NOL10: variants seen among roughly 807,000 people sequenced by gnomAD.
NOL10 encodes nucleolar protein 10.
A neutral mutation model predicts 103.5 loss-of-function variants in NOL10; 58 were observed. The observed-to-expected ratio is 0.56, with a 90% CI of 0.45 to 0.70. The LOEUF is 0.70. Ranked by LOEUF, NOL10 falls within the 30% of genes least tolerant of loss-of-function variation. The pLI, the probability that NOL10 is intolerant of heterozygous loss-of-function variation, is 0.00. For missense variants in NOL10, 763 were observed against 807.3 expected (o/e 0.95, Z 0.67); for synonymous variants, 287 against 282.5 (o/e 1.02, Z -0.16).
At chr2:10,630,522 C>T (rs1437123590) in intron 13 of NOL10, among the ~76,000 whole-genome samples, 3 of 152,046 alleles carry the variant, frequency 2.0e-5, no homozygotes, top group Non-Finnish European at 2.9e-5. Context: ...ACTATCTTGG[C>T]TAACACAGTG....
At chr2:10,669,493 CACATACACACACACAT>C in intron 6 of NOL10, among the ~76,000 whole-genome samples, 1 of 110,876 alleles carries the variant, frequency 9.0e-6, no homozygotes, top group African/African-American at 3.5e-5. Flanking sequence ...CACACACACA[CACATACACACACACAT>C]ATATACACAC....
At chr2:10,649,311 A>ATTT (rs56031158) in intron 12 of NOL10, among the ~76,000 whole-genome samples, 1,099 of 98,984 alleles carry the variant, frequency 0.011, 138 homozygotes, top group African/African-American at 0.04. Context: ...GTATGTTTGA[A>ATTT]TTTTTTTTTT....
At chr2:10,600,128 C>A (rs1675896535) in intron 17 of NOL10, among the ~76,000 whole-genome samples, 1 of 152,226 alleles carries the variant, frequency 6.6e-6, no homozygotes, top group African/African-American at 2.4e-5. Context: ...CTCATTCCAG[C>A]ACATAACCAA....
chr2:10,587,118 TACATATATATACATATATAC>T lies in NOL10; in HGVS notation c.1844+1905_1844+1924del, dbSNP rs1675105174. 4.4e-5 allele frequency among the ~76,000 whole-genome samples: 2 copies of T among 45,874 alleles called. 1 individual carries two copies. Among genetic ancestry groups the T allele is most frequent in the Non-Finnish European group, 7.9e-5 (2 of 25,276 alleles). 30.1% of individuals were successfully genotyped at this position (45,874 alleles called of 152,430 possible). ...ATATACACATATATATACATATATATACATATATATACATATATACACATATATATACATATATACACATA... is the reference window on the plus strand; with the variant it reads ...ATATACACATATATATACATATATATACATATATATACATATATACACATA... On this transcript the variant is annotated intron_variant, in intron 19 of 20. Coordinates refer to ENST00000381685, the MANE Select transcript of NOL10 (RefSeq NM_024894.4).
intron 13 of NOL10, among the ~76,000 whole-genome samples, chr2:10,629,656 T>C (rs886098793): frequency 6.6e-6 from 1 of 152,216 alleles, no homozygotes; most frequent in African/African-American, 2.4e-5. Flanking sequence ...ATGTTATCAC[T>C]GCTTTCTGTT....
intron 13 of NOL10, among the ~76,000 whole-genome samples, chr2:10,628,457 C>T (rs1298166248): frequency 2.0e-5 from 3 of 152,164 alleles, no homozygotes; most frequent in Non-Finnish European, 4.4e-5. Context: ...CTGCTAGGCA[C>T]CATCTCACCC....
At chr2:10,676,939 C>CT (rs35181197) in intron 3 of NOL10, among the ~76,000 whole-genome samples, 2,252 of 144,484 alleles carry the variant, frequency 0.016, 63 homozygotes, top group African/African-American at 0.051. Context: ...AGGCCGGCCT[C>CT]TTTTTTTTTT....
chr2:10,673,244 G>C (rs1681072256), intron 5 of NOL10: 2 of 271,382 alleles, frequency 7.4e-6, no homozygotes, highest in Admixed American at 5.3e-5. Flanking sequence ...AAAGATGACT[G>C]CTGCCAATTC....
chr2:10,630,092 T>C (rs921619794), intron 13 of NOL10, among the ~76,000 whole-genome samples: 2 of 152,196 alleles, frequency 1.3e-5, no homozygotes, highest in African/African-American at 4.8e-5. Flanking sequence ...CCCAGCTTAA[T>C]GACTTAATTT....
In NOL10 at chr2:10,657,742, G is replaced by A. The variant is rs532715104; in HGVS notation, c.906C>T (p.Ser302=). ...AGTAATTTCAACCAAAAATACATAC[G>A]GAGTTCTTATTCCACATCTTGACAA... ...SRIVKMWNKN[S]GKIFTSLEPE... is the part of the protein sequence containing the mutation. The change falls in exon 11 of 21, where the codon TCC becomes TCT. Residue 302 remains serine (S), a splice_region_variant and synonymous_variant. Coordinates refer to ENST00000381685, the MANE Select transcript of NOL10 (RefSeq NM_024894.4). 4.1e-5 allele frequency: 64 copies of A among 1,548,374 alleles called. No individual in the cohort carries two copies. Among genetic ancestry groups the A allele is most frequent in the South Asian group, 1.3e-4 (11 of 82,894 alleles).
chr2:10,681,360 T>C (rs1681742458), intron 3 of NOL10, among the ~76,000 whole-genome samples: 1 of 152,088 alleles, frequency 6.6e-6, no homozygotes, highest in Non-Finnish European at 1.5e-5. Context: ...GAAATAAGTC[T>C]CACAGAGAAA....
intron 14 of NOL10, among the ~76,000 whole-genome samples, chr2:10,606,177 T>C (rs1396683580): frequency 6.6e-6 from 1 of 151,190 alleles, no homozygotes; most frequent in African/African-American, 2.4e-5. Context: ...GATTTAAAGC[T>C]CAACTCTCAA....
chr2:10,677,630 G>A (rs62127214), intron 3 of NOL10, among the ~76,000 whole-genome samples: 5 of 151,394 alleles, frequency 3.3e-5, no homozygotes, highest in Non-Finnish European at 7.4e-5. Context: ...CTGCCATCAC[G>A]ACTGTGTAAT....
intron 19 of NOL10, among the ~76,000 whole-genome samples, chr2:10,583,248 T>C (rs6711473): frequency 0.34 from 52,326 of 152,210 alleles, 9,433 homozygotes; most frequent in Non-Finnish European, 0.4. Flanking sequence ...AAATTCTATG[T>C]AAATACATCA....
intron 19 of NOL10, among the ~76,000 whole-genome samples, chr2:10,581,933 G>A (rs1415873196): frequency 2.0e-5 from 3 of 152,190 alleles, no homozygotes; most frequent in African/African-American, 7.2e-5. Flanking sequence ...AGAGAGAAGT[G>A]TGGTGCACAC....
chr2:10,621,440 GA>G (rs1558296443), intron 13 of NOL10, among the ~76,000 whole-genome samples: 1 of 151,958 alleles, frequency 6.6e-6, no homozygotes. Context: ...TAAAACATAC[GA>G]AAATTATCTG....
chr2:10,593,465 A>G (rs1379058242), intron 17 of NOL10, among the ~76,000 whole-genome samples: 1 of 152,142 alleles, frequency 6.6e-6, no homozygotes, highest in African/African-American at 2.4e-5. Context: ...CAATGCTATG[A>G]TACCTATGAA....
At chr2:10,677,105 A>G (rs1161801976) in intron 3 of NOL10, among the ~76,000 whole-genome samples, 1 of 151,650 alleles carries the variant, frequency 6.6e-6, no homozygotes, top group Non-Finnish European at 1.5e-5. Context: ...CATCTGGCTA[A>G]TTTTTGTATT....
At chr2:10,577,595 TTCTTTTGTGAATTA>T in intron 20 of NOL10, 27 bp downstream of exon 20, 1 of 1,426,044 alleles carries the variant, frequency 7.0e-7, no homozygotes, top group South Asian at 1.2e-5. Flanking sequence ...AAGGCTATTT[TTCTTTTGTGAATTA>T]AAAAATAACA....
Sources: allele counts gnomAD v4.1 joint callset (sites outside exome capture counted in the v4.1 genomes callset), GRCh38; gene constraint gnomAD v4.1.1; transcripts MANE v1.5; gene names NCBI Gene and HGNC (gene_info 2026-07-23, HGNC 2026-07-21).